The following CTNNA2 variants were observed in gnomAD, a reference collection of about 807,000 sequenced individuals.
CTNNA2 encodes catenin alpha-2.
CTNNA2 carries 42 observed loss-of-function variants against 101.0 expected under a neutral mutation model. The ratio of observed to expected loss-of-function variants is 0.42; its 90% CI spans 0.32 to 0.54. CTNNA2 has a LOEUF of 0.54. Ranked by LOEUF, CTNNA2 falls within the 20% of genes least tolerant of loss-of-function variation. The pLI is 0.14. For synonymous variants in CTNNA2, 450 were observed against 456.4 expected (o/e 0.99, Z 0.18); for missense variants, 871 against 1,223.1 (o/e 0.71, Z 4.29).
intron 3 of CTNNA2, among the ~76,000 whole-genome samples, chr2:79,362,882 G>C (rs183199539): frequency 3.1e-4 from 47 of 152,328 alleles, no homozygotes; most frequent in Admixed American, 2.5e-3. Flanking sequence ...TCAAGCCGCA[G>C]AGACTGGGGA....
intron 7 of CTNNA2, among the ~76,000 whole-genome samples, chr2:80,283,014 G>A (rs980453385): frequency 2.6e-5 from 4 of 152,068 alleles, no homozygotes; most frequent in Admixed American, 1.3e-4. Context: ...TAAAAGGGAA[G>A]CAATCTTATA....
At position 79,651,501 on chromosome 2, in the gene CTNNA2, C is replaced by T. The variant is rs1015915966; in HGVS notation, c.-5-51C>T. ...TACCCATTTTGAATCACCAAAGTTA[C>T]AATTTATTTCAAAGATGATTATTTC... On this transcript the variant is annotated intron_variant, in intron 1 of 18. Transcript: ENST00000402739. 5 of 1,531,260 alleles carry T rather than the reference C, an allele frequency of 3.3e-6. No individual in the cohort carries two copies. The South Asian group carries it at 5.6e-5, about 17-fold the overall frequency. The allele number at this position is 1,531,260 out of a possible 1,614,324, so 94.9% of individuals were successfully genotyped here.
rs977294010 is a variant in CTNNA2, at chr2:79,962,895, C to A, written c.1056+53098C>A. On this transcript the variant is annotated intron_variant, in intron 7 of 18. Transcript: ENST00000402739. ...GACCATCCTGGGTAACATGGTGAAA[C>A]CCCGTCTCTACTAAAAATATAAAAA... Among the ~76,000 whole-genome samples the A allele has an allele frequency of 5.1e-4, 78 of 152,060 alleles. No homozygotes were observed. In the East Asian group the frequency reaches 0.012, roughly 23 times the overall value.
intron 2 of CTNNA2, among the ~76,000 whole-genome samples, chr2:79,728,419 T>C (rs1236498662): frequency 1.3e-5 from 2 of 152,210 alleles, no homozygotes; most frequent in Admixed American, 1.3e-4. Context: ...CACTTTTTGA[T>C]GAGGTTGTTT....
chr2:79,571,173 T>C (rs1675438436), intron 1 of CTNNA2, among the ~76,000 whole-genome samples: 1 of 152,150 alleles, frequency 6.6e-6, no homozygotes, highest in South Asian at 2.1e-4. Flanking sequence ...TATTTCAACA[T>C]GGTAAAAGGA....
At chr2:80,529,785 G>A (rs1255853908) in intron 9 of CTNNA2, among the ~76,000 whole-genome samples, 5 of 152,094 alleles carry the variant, frequency 3.3e-5, no homozygotes, top group African/African-American at 1.2e-4. Context: ...TTTATTTCAC[G>A]TAGCAGATTG....
chr2:80,010,007 C>A (rs1489643711), intron 7 of CTNNA2, among the ~76,000 whole-genome samples: 2 of 152,088 alleles, frequency 1.3e-5, no homozygotes, highest in Non-Finnish European at 2.9e-5. Context: ...GATAAAATTG[C>A]CACCTACCTC....
chr2:80,252,747 C>T (rs1378288889), intron 7 of CTNNA2, among the ~76,000 whole-genome samples: 8 of 152,160 alleles, frequency 5.3e-5, no homozygotes, highest in East Asian at 3.9e-4. Context: ...TGCCTTCACT[C>T]GATGATGTTA....
At chr2:79,330,911 C>A (rs1199668674) in intron 3 of CTNNA2, among the ~76,000 whole-genome samples, 1 of 152,150 alleles carries the variant, frequency 6.6e-6, no homozygotes, top group Non-Finnish European at 1.5e-5. Context: ...CAGATTAATA[C>A]ACTGAGCTAA....
chr2:80,564,105 C>T (rs756256225), intron 12 of CTNNA2, among the ~76,000 whole-genome samples: 5 of 152,134 alleles, frequency 3.3e-5, no homozygotes, highest in Non-Finnish European at 5.9e-5. Flanking sequence ...ATTAAACCCT[C>T]CTTAAATCGC....
intron 7 of CTNNA2, among the ~76,000 whole-genome samples, chr2:80,331,214 A>C (rs968190364): frequency 6.6e-6 from 1 of 152,198 alleles, no homozygotes; most frequent in African/African-American, 2.4e-5. Flanking sequence ...GTGTCAGCAC[A>C]TTAGGTATTC....
chr2:79,294,023 GC>G (rs1199304056), intron 2 of CTNNA2, among the ~76,000 whole-genome samples: 1 of 152,040 alleles, frequency 6.6e-6, no homozygotes, highest in Non-Finnish European at 1.5e-5. Context: ...CGCTTGGTCT[GC>G]CATAACAAAG....
chr2:79,687,584 A>C (rs1162363635), intron 2 of CTNNA2: 1 of 706,384 alleles, frequency 1.4e-6, no homozygotes, highest in Non-Finnish European at 2.6e-6. Flanking sequence ...TTTCCACCGG[A>C]TATTTCAAAT....
chr2:80,043,533 G>A (rs183600869), intron 7 of CTNNA2, among the ~76,000 whole-genome samples: 1 of 152,170 alleles, frequency 6.6e-6, no homozygotes, highest in Admixed American at 6.5e-5. Flanking sequence ...TCCCTCAGAT[G>A]GGCTCTGAAT....
At chr2:80,280,767 T>C (rs889846754) in intron 7 of CTNNA2, among the ~76,000 whole-genome samples, 3 of 152,094 alleles carry the variant, frequency 2.0e-5, no homozygotes, top group African/African-American at 7.2e-5. Context: ...TCCTGCTCAG[T>C]CCTGTCTGAG....
At chr2:80,557,604 T>G (rs1693157797) in intron 12 of CTNNA2, among the ~76,000 whole-genome samples, 1 of 152,176 alleles carries the variant, frequency 6.6e-6, no homozygotes, top group South Asian at 2.1e-4. Context: ...AGGACACTTG[T>G]GGCAGATGAA....
At chr2:80,189,341 C>T (rs1434081921) in intron 7 of CTNNA2, among the ~76,000 whole-genome samples, 4 of 152,196 alleles carry the variant, frequency 2.6e-5, no homozygotes, top group African/African-American at 9.7e-5. Context: ...TGATTCTCTT[C>T]TGATATTAAT....
intron 4 of CTNNA2, among the ~76,000 whole-genome samples, chr2:79,425,412 C>T (rs1678582525): frequency 6.6e-6 from 1 of 152,088 alleles, no homozygotes; most frequent in Non-Finnish European, 1.5e-5. Context: ...ATATAAAGGA[C>T]AGAAATTTAT....
At chr2:79,874,452 T>A (rs1158614827) in intron 6 of CTNNA2, 110 bp downstream of exon 6, 2 of 1,324,276 alleles carry the variant, frequency 1.5e-6, no homozygotes, top group African/African-American at 2.9e-5. Context: ...TTTTTCTCTT[T>A]TGGAGGTTTT....
Sources: gnomAD v4.1 joint callset for allele counts (sites outside exome capture counted in the v4.1 genomes callset) on GRCh38, gnomAD v4.1.1 for gene constraint, MANE v1.5 for transcripts, NCBI Gene and HGNC (gene_info 2026-07-23, HGNC 2026-07-21) for gene names.